The following PRKCE variants were observed in gnomAD, a reference collection of about 807,000 sequenced individuals.
The protein encoded by PRKCE is protein kinase C epsilon.
In PRKCE, 16 loss-of-function variants were observed where a neutral mutation model predicts 85.4. The observed-to-expected ratio is 0.19, with a 90% CI of 0.13 to 0.28. The LOEUF (loss-of-function observed/expected upper bound fraction) is 0.28. Ranked by LOEUF, PRKCE falls within the 10% of genes least tolerant of loss-of-function variation. The pLI, the probability that PRKCE is intolerant of heterozygous loss-of-function variation, is 1.00. For missense variants in PRKCE, 573 were observed against 975.2 expected, an observed-to-expected ratio of 0.59 and a Z score of 5.49; for synonymous variants, 388 against 371.5, an observed-to-expected ratio of 1.04 and a Z score of -0.51.
intron 2 of PRKCE, among the ~76,000 whole-genome samples, chr2:45,938,895 G>A (rs767791819): frequency 3.3e-5 from 5 of 152,112 alleles, no homozygotes; most frequent in Admixed American, 2.6e-4. Context: ...GTTACACATG[G>A]TGGGCACCTC....
chr2:46,000,863 T>G (rs1704623483), intron 6 of PRKCE: 1 of 152,236 alleles, frequency 6.6e-6, no homozygotes, highest in African/African-American at 2.4e-5. Context: ...GGAGCAGCAG[T>G]TTCAGTTTGC....
At chr2:45,817,076 T>TGTGTGTG (rs1286546621) in intron 1 of PRKCE, among the ~76,000 whole-genome samples, 2 of 144,350 alleles carry the variant, frequency 1.4e-5, no homozygotes, top group Non-Finnish European at 3.0e-5. Context: ...AGTGTGTGTG[T>TGTGTGTG]GTGTGTGTGT....
chr2:46,025,251 T>C (rs570129519), intron 10 of PRKCE, among the ~76,000 whole-genome samples: 4 of 152,172 alleles, frequency 2.6e-5, no homozygotes, highest in Non-Finnish European at 5.9e-5. Flanking sequence ...CCCTGAAGTG[T>C]TAAAAAACAG....
At chr2:45,925,209 T>C (rs1305463604) in intron 2 of PRKCE, among the ~76,000 whole-genome samples, 1 of 152,204 alleles carries the variant, frequency 6.6e-6, no homozygotes, top group Non-Finnish European at 1.5e-5. Flanking sequence ...GGAGAGGGTG[T>C]TCCCCTTTCC....
At chr2:45,866,548 C>A (rs1693630138) in intron 2 of PRKCE, among the ~76,000 whole-genome samples, 1 of 152,136 alleles carries the variant, frequency 6.6e-6, no homozygotes, top group South Asian at 2.1e-4. Flanking sequence ...ACCTCGTGAT[C>A]CACCCGCCTT....
chr2:45,682,748 G>T (rs1330374667), intron 1 of PRKCE, among the ~76,000 whole-genome samples: 11 of 152,050 alleles, frequency 7.2e-5, no homozygotes, highest in Non-Finnish European at 1.5e-4. Context: ...CACCATGCCT[G>T]GCTATTTTTG....
chr2:45,654,353 C>G (rs968054784), intron 1 of PRKCE, among the ~76,000 whole-genome samples: 1 of 152,238 alleles, frequency 6.6e-6, no homozygotes, highest in African/African-American at 2.4e-5. Context: ...GGTTATCATC[C>G]TCTAAGGTTC....
intron 1 of PRKCE, among the ~76,000 whole-genome samples, chr2:45,742,509 A>G (rs760284488): frequency 6.6e-6 from 1 of 152,202 alleles, no homozygotes; most frequent in Non-Finnish European, 1.5e-5. Flanking sequence ...ACCAACAGGT[A>G]TATGAAAGGG....
At chr2:46,115,441 A>C (rs1010868952) in intron 11 of PRKCE, among the ~76,000 whole-genome samples, 2 of 152,210 alleles carry the variant, frequency 1.3e-5, no homozygotes, top group Non-Finnish European at 2.9e-5. Context: ...TCTTGCTCAG[A>C]GATTTGAGCC....
chr2:45,809,218 G>A (rs1688476526), intron 1 of PRKCE, among the ~76,000 whole-genome samples: 4 of 152,158 alleles, frequency 2.6e-5, no homozygotes, highest in Admixed American at 6.6e-5. Flanking sequence ...AGGAACAAGA[G>A]GGGTATAAAT....
At chr2:45,896,064 C>G (rs1227347303) in intron 2 of PRKCE, among the ~76,000 whole-genome samples, 1 of 152,098 alleles carries the variant, frequency 6.6e-6, no homozygotes, top group Non-Finnish European at 1.5e-5. Context: ...TAGATGTTGC[C>G]CCTTTGAGGT....
chr2:46,158,839 A>G (rs905825341), intron 13 of PRKCE, among the ~76,000 whole-genome samples: 1 of 152,154 alleles, frequency 6.6e-6, no homozygotes, highest in African/African-American at 2.4e-5. Context: ...CGTATGCTCA[A>G]TTAAATTAAC....
chr2:45,695,279 C>T (rs771903234), intron 1 of PRKCE, among the ~76,000 whole-genome samples: 7 of 152,178 alleles, frequency 4.6e-5, no homozygotes, highest in East Asian at 1.9e-4. Flanking sequence ...TCTGTTCCCG[C>T]GATGATTTTA....
chr2:45,750,644 ATTT>A (rs1212652600), intron 1 of PRKCE, among the ~76,000 whole-genome samples: 2 of 152,218 alleles, frequency 1.3e-5, no homozygotes, highest in African/African-American at 4.8e-5. Flanking sequence ...TGGGCAAATT[ATTT>A]AATACTGCTA....
rs1367732971 is a variant in PRKCE at position 45,937,191 on chromosome 2, C to T, written c.413-39238C>T. On this transcript the variant is annotated intron_variant, in intron 2 of 14. Coordinates refer to ENST00000306156, the MANE Select transcript of PRKCE (RefSeq NM_005400.3). ...TTCCCTTTATAGTTTTATAATTGTA[C>T]TTAAATAAAAATAATTGCACTTAAA... Among the ~76,000 whole-genome samples, 6 of 152,210 alleles carry T rather than the reference C, an allele frequency of 3.9e-5. No homozygotes were observed. The South Asian group carries it at 1.2e-3, about 32-fold the overall frequency.
chr2:46,130,339 T>C (rs987934791), intron 11 of PRKCE, among the ~76,000 whole-genome samples: 3 of 152,050 alleles, frequency 2.0e-5, no homozygotes, highest in African/African-American at 7.2e-5. Context: ...TTAATCATAC[T>C]GTATACTTTA....
chr2:45,885,001 A>G (rs55949682), intron 2 of PRKCE, among the ~76,000 whole-genome samples: 9,428 of 71,450 alleles, frequency 0.13, 1,187 homozygotes, highest in Non-Finnish European at 0.16. Flanking sequence ...ATATATATAT[A>G]TTTGTTGTTG....
intron 6 of PRKCE, among the ~76,000 whole-genome samples, chr2:45,996,317 G>A (rs1704213972): frequency 6.6e-6 from 1 of 151,986 alleles, no homozygotes; most frequent in Non-Finnish European, 1.5e-5. Context: ...TAGTTTTATA[G>A]TTTTATTTCT....
chr2:45,950,994 A>C (rs893117900), intron 2 of PRKCE, among the ~76,000 whole-genome samples: 11 of 152,186 alleles, frequency 7.2e-5, no homozygotes, highest in African/African-American at 2.4e-4. Flanking sequence ...CAAAAGCTCC[A>C]AATAGTGTCC....
Sources: gnomAD v4.1 joint callset for allele counts (sites outside exome capture counted in the v4.1 genomes callset) on GRCh38, gnomAD v4.1.1 for gene constraint, MANE v1.5 for transcripts, NCBI Gene and HGNC (gene_info 2026-07-23, HGNC 2026-07-21) for gene names.